NUDT4: variants seen among roughly 807,000 people sequenced by gnomAD.
NUDT4 encodes nudix hydrolase 4.
A neutral mutation model predicts 23.1 loss-of-function variants in NUDT4; 5 were observed. That is an observed-to-expected ratio of 0.22 (90% CI 0.11 to 0.46). The LOEUF (loss-of-function observed/expected upper bound fraction) is 0.46, where lower values mean the gene tolerates loss of function less well. Among genes scored for constraint, NUDT4 ranks in the 20% least tolerant of loss-of-function variants. The pLI is 0.99. For synonymous variants in NUDT4, 50 were observed against 79.0 expected (o/e 0.63, Z 1.95); for missense variants, 96 against 211.6 (o/e 0.45, Z 3.39).
At chr12:93,383,030 G>A (rs1875799687) in intron 1 of NUDT4, among the ~76,000 whole-genome samples, 1 of 146,606 alleles carries the variant, frequency 6.8e-6, no homozygotes, top group Admixed American at 6.9e-5. Context: ...CTCCCAGAAG[G>A]TTTCCCGTCA....
At chr12:93,393,501 T>A (rs1876710310) in intron 1 of NUDT4, among the ~76,000 whole-genome samples, 1 of 152,178 alleles carries the variant, frequency 6.6e-6, no homozygotes, top group South Asian at 2.1e-4. Context: ...ACAGTCTCTG[T>A]CACAACTGCT....
intron 1 of NUDT4, among the ~76,000 whole-genome samples, chr12:93,386,085 C>T (rs919533625): frequency 2.0e-5 from 3 of 151,362 alleles, no homozygotes; most frequent in African/African-American, 7.3e-5. Flanking sequence ...AGATGATTCT[C>T]CCACCTCAGC....
chr12:93,394,491 T>C (rs975925709), intron 1 of NUDT4, 118 bp from the exon 2 acceptor site: 2 of 558,984 alleles, frequency 3.6e-6, no homozygotes, highest in Admixed American at 3.2e-5. Flanking sequence ...TAATTTTAAT[T>C]AAATTTTAAA....
At position 93,387,965 on chromosome 12, in the gene NUDT4, A is replaced by C. The variant is rs186951012; in HGVS notation, c.100-6644A>C. ...TAGTCACTGCCTTCTCCCCACCACC[A>C]CCCCCCCAGATGTGGCCTTGCCCTC... On this transcript the variant is annotated intron_variant, in intron 1 of 4. Transcript: ENST00000415493. Among the ~76,000 whole-genome samples the C allele has an allele frequency of 1.7e-3, 251 of 151,370 alleles. 1 individual carries two copies. Among genetic ancestry groups the C allele is most frequent in the African/African-American group, 5.9e-3 (242 of 41,182 alleles).
chr12:93,378,717 ACC>A, intron 1 of NUDT4: 1 of 1,104,064 alleles, frequency 9.1e-7, no homozygotes, highest in Non-Finnish European at 1.1e-6. Context: ...AGCGGGAGTC[ACC>A]ATCTTAACGT....
chr12:93,385,915 TATA>T, intron 1 of NUDT4, among the ~76,000 whole-genome samples: 1 of 55,308 alleles, frequency 1.8e-5, no homozygotes, highest in Non-Finnish European at 3.2e-5. Context: ...GTATAGATTT[TATA>T]TATATATATA....
intron 1 of NUDT4, among the ~76,000 whole-genome samples, chr12:93,393,855 A>G (rs1876730966): frequency 6.6e-6 from 1 of 152,178 alleles, no homozygotes. Context: ...TTTCTCACAC[A>G]TCTGTTATCT....
chr12:93,402,469 C>T lies in NUDT4; in HGVS notation c.*3090C>T, dbSNP rs1397737573. ...GTTTAAACTTGTGTTCAAATATTCC[C>T]CCTCCAAGTGAAAGCCTGTCGGGAA... On this transcript the variant is annotated 3_prime_UTR_variant, in exon 5 of 5. Transcript: ENST00000415493. The T allele has an allele frequency of 6.6e-6, 1 of 152,082 alleles. No homozygotes were observed. The highest frequency in any genetic ancestry group is 1.5e-5 in the Non-Finnish European group (1 of 68,018). 9.4% of individuals were successfully genotyped at this position (152,082 alleles called of 1,614,324 possible).
rs1343560972 is a variant in NUDT4, at chr12:93,384,897, C to T, written c.99+6476C>T. The stretch of plus-strand genomic sequence containing the variant: ...TCAGCCTTCCAAGTAGCTGGGATTA[C>T]AGGCACATGCCATCACGCCTGGCTA... On this transcript the variant is annotated intron_variant, in intron 1 of 4. Coordinates refer to ENST00000415493, the MANE Select transcript of NUDT4 (RefSeq NM_019094.6). 2.6e-5 allele frequency among the ~76,000 whole-genome samples: 4 copies of T among 152,326 alleles called. No individual in the cohort carries two copies. The South Asian group carries it at 6.2e-4, about 24-fold the overall frequency.
intron 1 of NUDT4, among the ~76,000 whole-genome samples, chr12:93,382,674 CTTT>C (rs11315217): frequency 1.2e-4 from 13 of 111,636 alleles, no homozygotes; most frequent in South Asian, 3.1e-4. Flanking sequence ...CAAAGGTAGC[CTTT>C]TTTTTTTTTT....
chr12:93,378,763 T>G, intron 1 of NUDT4: 17 of 1,018,204 alleles, frequency 1.7e-5, no homozygotes, highest in African/African-American at 1.7e-5. Flanking sequence ...AAACCTCGAG[T>G]GCTCAGCGAG....
In NUDT4 at chr12:93,399,161, T is replaced by G; in HGVS notation, c.341-16T>G. Reference sequence around the variant, plus strand: ...AAAATGGACTGTCTTGTAACCAATGTCATTCTTTTCTCTAGGAAGGAAGAG... The same window carrying G: ...AAAATGGACTGTCTTGTAACCAATGGCATTCTTTTCTCTAGGAAGGAAGAG... On this transcript the variant is annotated splice_polypyrimidine_tract_variant and intron_variant, in intron 4 of 4. Transcript: ENST00000415493. 2 of 1,594,426 alleles carry G rather than the reference T, an allele frequency of 1.3e-6. No individual in the cohort carries two copies. Among genetic ancestry groups the G allele is most frequent in the Non-Finnish European group, 1.7e-6 (2 of 1,162,124 alleles).
chr12:93,396,035 A>G (rs1876911266), intron 3 of NUDT4, among the ~76,000 whole-genome samples: 1 of 152,176 alleles, frequency 6.6e-6, no homozygotes, highest in South Asian at 2.1e-4. Flanking sequence ...ACTTTTATAT[A>G]GCATTATTAT....
In NUDT4 at chr12:93,378,349, G is replaced by A; in HGVS notation, c.27G>A (p.Thr9=). Residue 9 remains threonine, a synonymous_variant, in exon 1 of 5, where the codon ACG becomes ACA. Transcript: ENST00000415493. MMKFKPNQ[T]RTYDREGFKK... ...TGATGAAGTTCAAGCCCAACCAGAC[G>A]CGGACCTACGACCGCGAGGGCTTCA... 6.6e-7 allele frequency: 1 copy of A among 1,515,996 alleles called. No homozygotes were observed. The highest frequency in any genetic ancestry group is 8.9e-7 in the Non-Finnish European group (1 of 1,122,614). The allele number at this position is 1,515,996 out of a possible 1,614,324, so 93.9% of individuals were successfully genotyped here. A position where few individuals can be genotyped will look rare whatever the true frequency, so the allele number is the denominator to read the frequency against.
At chr12:93,394,464 G>A (rs558829154) in intron 1 of NUDT4, 145 bp from the exon 2 acceptor site, 9 of 467,886 alleles carry the variant, frequency 1.9e-5, no homozygotes, top group African/African-American at 1.6e-4. Flanking sequence ...CATTTTTGTG[G>A]TGTAATGCGT....
In NUDT4 at chr12:93,402,483, G is replaced by A. The variant is rs1365308081; in HGVS notation, c.*3104G>A. On this transcript the variant is annotated 3_prime_UTR_variant, in exon 5 of 5. Coordinates refer to ENST00000415493, the MANE Select transcript of NUDT4 (RefSeq NM_019094.6). ...TCAAATATTCCCCCTCCAAGTGAAA[G>A]CCTGTCGGGAATTCCACAGTAACAC... 1 of 152,130 alleles carries A rather than the reference G, an allele frequency of 6.6e-6. No individual in the cohort carries two copies. Among genetic ancestry groups the A allele is most frequent in the East Asian group, 1.9e-4 (1 of 5,194 alleles). The allele number at this position is 152,130 out of a possible 1,614,324, so 9.4% of individuals were successfully genotyped here.
chr12:93,378,117 C>T lies in NUDT4; in HGVS notation c.-206C>T. On this transcript the variant is annotated 5_prime_UTR_variant, in exon 1 of 5. Transcript: ENST00000415493. ...CATCTCGGCACCCTGGTTCCAGTGACCCGCGCTAGCGTCCCGTCCCGCCCG... is the reference window on the plus strand; with the variant it reads ...CATCTCGGCACCCTGGTTCCAGTGATCCGCGCTAGCGTCCCGTCCCGCCCG... 7.7e-6 allele frequency: 2 copies of T among 258,986 alleles called. No homozygotes were observed. The highest frequency in any genetic ancestry group is 1.5e-5 in the Non-Finnish European group (2 of 137,098). 16.0% of individuals were successfully genotyped at this position (258,986 alleles called of 1,614,324 possible). A position where few individuals can be genotyped will look rare whatever the true frequency, so the allele number is the denominator to read the frequency against.
In NUDT4 at chr12:93,404,978, A is replaced by G. The variant is rs902491005; in HGVS notation, c.*5599A>G. On this transcript the variant is annotated 3_prime_UTR_variant, in exon 5 of 5. Transcript: ENST00000415493. ...CGTCTGTGGGTGCTTTCTCACTACA[A>G]TGGCAGAATTCAGTAGTTGAGACAG... 6.6e-6 allele frequency: 1 copy of G among 152,002 alleles called. No homozygotes were observed. The highest frequency in any genetic ancestry group is 1.5e-5 in the Non-Finnish European group (1 of 68,000). The allele number at this position is 152,002 out of a possible 1,614,324, so 9.4% of individuals were successfully genotyped here.
In NUDT4 at chr12:93,406,908, A is replaced by G. The variant is rs1877852718; in HGVS notation, c.*7529A>G. The G allele has an allele frequency of 2.0e-5, 3 of 152,230 alleles. No individual in the cohort carries two copies. The South Asian group carries it at 6.2e-4, about 32-fold the overall frequency. 9.4% of individuals were successfully genotyped at this position (152,230 alleles called of 1,614,324 possible). On this transcript the variant is annotated 3_prime_UTR_variant, in exon 5 of 5. Coordinates refer to ENST00000415493, the MANE Select transcript of NUDT4 (RefSeq NM_019094.6). The stretch of plus-strand genomic sequence containing the variant: ...TAGACAGCCTTTGAGAGGATGAAGG[A>G]TAACTAGAGCAGAAGCAAATCGCAG...
Sources: gnomAD v4.1 joint callset for allele counts (sites outside exome capture counted in the v4.1 genomes callset) on GRCh38, gnomAD v4.1.1 for gene constraint, MANE v1.5 for transcripts, NCBI Gene and HGNC (gene_info 2026-07-23, HGNC 2026-07-21) for gene names.